Variants in IPCEF1 observed in about 807,000 individuals in gnomAD.
IPCEF1 encodes the protein interaction protein for cytohesin exchange factors 1.
Under a neutral mutation model 50.9 loss-of-function variants are expected in IPCEF1, and 31 were observed. The observed-to-expected ratio is 0.61, with a 90% CI of 0.46 to 0.82. IPCEF1 has a LOEUF of 0.82. Among genes scored for constraint, IPCEF1 ranks in the 40% least tolerant of loss-of-function variants. IPCEF1 has a pLI of 0.00. For missense variants in IPCEF1, 458 were observed against 514.0 expected, an observed-to-expected ratio of 0.89 and a Z score of 1.05; for synonymous variants, 181 against 192.0, an observed-to-expected ratio of 0.94 and a Z score of 0.47.
intron 3 of IPCEF1, among the ~76,000 whole-genome samples, chr6:154,260,178 C>A (rs1478632162): frequency 6.6e-6 from 1 of 152,144 alleles, no homozygotes; most frequent in Non-Finnish European, 1.5e-5. Context: ...ACAGATCATC[C>A]CACAGGTGAG....
At chr6:154,315,506 C>T (rs1026346302) in intron 1 of IPCEF1, among the ~76,000 whole-genome samples, 6 of 152,122 alleles carry the variant, frequency 3.9e-5, no homozygotes, top group African/African-American at 1.4e-4. Flanking sequence ...TTATTTTGAA[C>T]ATAGTTATAA....
chr6:154,263,972 C>G (rs1202869685), intron 3 of IPCEF1, among the ~76,000 whole-genome samples: 1 of 126,570 alleles, frequency 7.9e-6, no homozygotes, highest in African/African-American at 2.9e-5. Context: ...CCCCTCACTT[C>G]CCGGATGGGG....
chr6:154,264,377 T>G (rs552123139), intron 3 of IPCEF1, among the ~76,000 whole-genome samples: 1 of 152,164 alleles, frequency 6.6e-6, no homozygotes, highest in East Asian at 1.9e-4. Flanking sequence ...ATTATTTTAT[T>G]TTATTTTTTT....
At chr6:154,276,237 A>AAGAGAAAAAGAGAGAGAG (rs1220655233) in intron 2 of IPCEF1, among the ~76,000 whole-genome samples, 2 of 141,734 alleles carry the variant, frequency 1.4e-5, no homozygotes, top group African/African-American at 5.1e-5. Flanking sequence ...GAAAGAAAGA[A>AAGAGAAAAAGAGAGAGAG]AGAGAAAAGG....
At chr6:154,160,966 C>T (rs995350375) in intron 11 of IPCEF1, among the ~76,000 whole-genome samples, 7 of 152,154 alleles carry the variant, frequency 4.6e-5, no homozygotes, top group Non-Finnish European at 1.0e-4. Flanking sequence ...CTCATGGATC[C>T]CCTTACACCC....
At chr6:154,266,939 G>C (rs1781771733) in intron 2 of IPCEF1, among the ~76,000 whole-genome samples, 1 of 152,084 alleles carries the variant, frequency 6.6e-6, no homozygotes, top group African/African-American at 2.4e-5. Context: ...CTTCATCCCA[G>C]TGACACCACA....
chr6:154,252,731 A>C (rs1430071199), intron 3 of IPCEF1, among the ~76,000 whole-genome samples: 1 of 152,198 alleles, frequency 6.6e-6, no homozygotes, highest in Non-Finnish European at 1.5e-5. Context: ...GAGATTTGGC[A>C]AAACCAGTTT....
chr6:154,224,637 G>A (rs1436739730), intron 5 of IPCEF1, among the ~76,000 whole-genome samples: 1 of 152,058 alleles, frequency 6.6e-6, no homozygotes, highest in Non-Finnish European at 1.5e-5. Context: ...CTTGAACCTG[G>A]GAGGTAGAGG....
chr6:154,255,528 G>T (rs532460624), intron 3 of IPCEF1, among the ~76,000 whole-genome samples: 1 of 152,036 alleles, frequency 6.6e-6, no homozygotes, highest in Non-Finnish European at 1.5e-5. Flanking sequence ...TATTTATACT[G>T]CTCAATCCTC....
intron 1 of IPCEF1, among the ~76,000 whole-genome samples, chr6:154,326,838 A>C (rs1783533061): frequency 6.6e-6 from 1 of 152,220 alleles, no homozygotes; most frequent in Non-Finnish European, 1.5e-5. Context: ...CAGTAACCAA[A>C]ATGTCATGGT....
At chr6:154,160,842 A>G (rs1798951387) in intron 11 of IPCEF1, among the ~76,000 whole-genome samples, 1 of 152,176 alleles carries the variant, frequency 6.6e-6, no homozygotes, top group Non-Finnish European at 1.5e-5. Flanking sequence ...CCAGTTCAAT[A>G]TATCACGTTT....
intron 11 of IPCEF1, among the ~76,000 whole-genome samples, chr6:154,165,683 C>T (rs1209677743): frequency 6.6e-6 from 1 of 152,208 alleles, no homozygotes; most frequent in Non-Finnish European, 1.5e-5. Flanking sequence ...TATTCAAGGC[C>T]TTGTGTAATC....
chr6:154,158,608 G>A lies in IPCEF1; in HGVS notation c.*1220C>T, dbSNP rs1308445669. 1.3e-5 allele frequency: 2 copies of A among 152,122 alleles called. No individual in the cohort carries two copies. The highest frequency in any genetic ancestry group is 4.8e-5 in the African/African-American group (2 of 41,418). The allele number at this position is 152,122 out of a possible 1,614,324, so 9.4% of individuals were successfully genotyped here. On this transcript the variant is annotated 3_prime_UTR_variant, in exon 12 of 12. Coordinates refer to ENST00000367220, the MANE Select transcript of IPCEF1 (RefSeq NM_001130700.2). ...GGTGGGGAAGAAAATGAAAAATTAT[G>A]AATGCATGCCCCATTTTTTTCCCAC...
intron 10 of IPCEF1, among the ~76,000 whole-genome samples, chr6:154,175,625 G>A (rs1381249007): frequency 6.6e-6 from 1 of 152,140 alleles, no homozygotes; most frequent in Non-Finnish European, 1.5e-5. Flanking sequence ...AAACCAGGAA[G>A]AAGTTGAATC....
intron 1 of IPCEF1, among the ~76,000 whole-genome samples, chr6:154,329,060 AG>A (rs1276057117): frequency 7.2e-5 from 11 of 152,218 alleles, no homozygotes; most frequent in Admixed American, 7.2e-4. Context: ...GCAGTCAAAA[AG>A]GTGTTAGTTC....
At chr6:154,328,085 G>T (rs566133799) in intron 1 of IPCEF1, among the ~76,000 whole-genome samples, 64 of 152,158 alleles carry the variant, frequency 4.2e-4, no homozygotes, top group Middle Eastern at 3.4e-3. Flanking sequence ...TGGGGGAGGG[G>T]GAGCATCAGG....
intron 9 of IPCEF1, among the ~76,000 whole-genome samples, chr6:154,205,909 G>A (rs530663096): frequency 4.6e-5 from 7 of 151,936 alleles, no homozygotes; most frequent in African/African-American, 1.2e-4. Flanking sequence ...CAGACCCTTC[G>A]GAAACTCACC....
At chr6:154,231,745 G>C (rs978596306) in intron 5 of IPCEF1, among the ~76,000 whole-genome samples, 14 of 152,188 alleles carry the variant, frequency 9.2e-5, no homozygotes, top group Admixed American at 6.5e-4. Flanking sequence ...GAAGAAAGAG[G>C]ATAGAGAACA....
intron 10 of IPCEF1, among the ~76,000 whole-genome samples, chr6:154,199,354 A>G (rs1776891907): frequency 6.6e-6 from 1 of 152,274 alleles, no homozygotes; most frequent in African/African-American, 2.4e-5. Flanking sequence ...GCTCCAGCGC[A>G]TGGGACATGG....
Sources: gnomAD v4.1 joint callset for allele counts (sites outside exome capture counted in the v4.1 genomes callset) on GRCh38, gnomAD v4.1.1 for gene constraint, MANE v1.5 for transcripts, NCBI Gene and HGNC (gene_info 2026-07-23, HGNC 2026-07-21) for gene names.